Variants in UGT1A7 observed in about 807,000 individuals in gnomAD.
UGT1A7 encodes UDP-glucuronosyltransferase 1A7.
In UGT1A7, 33 loss-of-function variants were observed where a neutral mutation model predicts 45.6. The observed-to-expected ratio is 0.72, with a 90% CI of 0.55 to 0.97. The LOEUF (loss-of-function observed/expected upper bound fraction) is 0.97. UGT1A7 is among the 50% of genes least tolerant of loss of function. UGT1A7 has a pLI of 0.00. For missense variants in UGT1A7, 684 were observed against 666.2 expected, an observed-to-expected ratio of 1.03 and a Z score of -0.29; for synonymous variants, 274 against 250.6, an observed-to-expected ratio of 1.09 and a Z score of -0.88.
At chr2:233,693,578 A>T (rs754174364) in intron 1 of UGT1A7, 1 of 1,614,192 alleles carries the variant, frequency 6.2e-7, no homozygotes, top group Non-Finnish European at 8.5e-7. Flanking sequence ...TGTGTCCTAC[A>T]TTCCCAGGTG....
intron 1 of UGT1A7, among the ~76,000 whole-genome samples, chr2:233,695,435 CT>C (rs747907611): frequency 1.0e-4 from 13 of 130,450 alleles, no homozygotes; most frequent in African/African-American, 1.1e-4. Flanking sequence ...TCTTCTTCTT[CT>C]TTTTTTTTTG....
intron 1 of UGT1A7, chr2:233,713,890 T>C: frequency 1.2e-6 from 2 of 1,613,384 alleles, no homozygotes; most frequent in Non-Finnish European, 1.7e-6. Context: ...CAATCAATGT[T>C]CCAGGCAAAA....
In UGT1A7 at chr2:233,690,508, G is replaced by C. The variant is rs149990156; in HGVS notation, c.855+7716G>C. The C allele has an allele frequency of 2.2e-5, 29 of 1,289,314 alleles. No individual in the cohort carries two copies. In the African/African-American group the frequency reaches 4.0e-4, roughly 18 times the overall value. The allele number at this position is 1,289,314 out of a possible 1,614,324, so 79.9% of individuals were successfully genotyped here. A position where few individuals can be genotyped will look rare whatever the true frequency, so the allele number is the denominator to read the frequency against. On this transcript the variant is annotated intron_variant, in intron 1 of 4. Transcript: ENST00000373426. ...AATCTGCTCTTGCCAACAGAGATTT[G>C]TTTTATCTTAGGATCTACTTCTTTC... is the stretch of plus-strand genomic sequence containing the variant.
chr2:233,703,303 AT>A (rs1225306249), intron 1 of UGT1A7, among the ~76,000 whole-genome samples: 1 of 148,452 alleles, frequency 6.7e-6, no homozygotes, highest in Non-Finnish European at 1.5e-5. Context: ...TCCCTCTTTC[AT>A]TTCATATTTT....
intron 1 of UGT1A7, chr2:233,693,318 T>C (rs2075145288): frequency 6.2e-7 from 1 of 1,614,116 alleles, no homozygotes; most frequent in African/African-American, 1.3e-5. Context: ...CGATCATTCC[T>C]AACTGCTCCT....
intron 1 of UGT1A7, among the ~76,000 whole-genome samples, chr2:233,705,124 G>A (rs1223845607): frequency 3.8e-5 from 5 of 133,010 alleles, no homozygotes; most frequent in Admixed American, 7.4e-5. Context: ...GGACAAGAGC[G>A]AGACTTCGTC....
intron 1 of UGT1A7, among the ~76,000 whole-genome samples, chr2:233,759,294 C>T (rs1363540933): frequency 6.6e-6 from 1 of 152,134 alleles, no homozygotes; most frequent in Admixed American, 6.5e-5. Flanking sequence ...TGAAGCTGAG[C>T]CCTGAGTGGC....
intron 1 of UGT1A7, among the ~76,000 whole-genome samples, chr2:233,703,618 AT>A (rs2075745853): frequency 6.6e-6 from 1 of 151,894 alleles, no homozygotes; most frequent in South Asian, 2.1e-4. Flanking sequence ...AAAAAAGTCT[AT>A]TTTATCTGAT....
chr2:233,754,591 G>T (rs1279768336), intron 1 of UGT1A7: 4 of 429,060 alleles, frequency 9.3e-6, no homozygotes, highest in South Asian at 6.6e-5. Context: ...TATTATGAAG[G>T]ACTTTAACTC....
intron 1 of UGT1A7, among the ~76,000 whole-genome samples, chr2:233,710,565 G>T (rs2125620366): frequency 6.6e-6 from 1 of 152,164 alleles, no homozygotes; most frequent in Non-Finnish European, 1.5e-5. Context: ...TCTTTTAAAA[G>T]GTGCCCTTTC....
chr2:233,686,572 T>C (rs1305349676), intron 1 of UGT1A7, among the ~76,000 whole-genome samples: 1 of 152,142 alleles, frequency 6.6e-6, no homozygotes, highest in Non-Finnish European at 1.5e-5. Flanking sequence ...TTTCAGAAGT[T>C]AGTGTGGATT....
In UGT1A7 at chr2:233,772,291, G is replaced by C; in HGVS notation, c.1325G>C (p.Ser442Thr). Residue 442 changes from serine (S) to threonine (T), a missense_variant, in exon 5 of 5, where the codon AGC becomes ACC. Physicochemically the swap from Ser to Thr is moderately conservative, Grantham distance 58. Transcript: ENST00000373426. ...SYKENIMRLS[S>T]LHKDRPVEPL... ...AAGGAGAACATCATGCGCCTCTCCA[G>C]CCTTCACAAGGACCGCCCGGTGGAG... 1 of 1,614,230 alleles carries C rather than the reference G, an allele frequency of 6.2e-7. No individual in the cohort carries two copies. The highest frequency in any genetic ancestry group is 8.5e-7 in the Non-Finnish European group (1 of 1,180,052).
At chr2:233,728,762 C>T (rs886147418) in intron 1 of UGT1A7, among the ~76,000 whole-genome samples, 1 of 152,142 alleles carries the variant, frequency 6.6e-6, no homozygotes, top group African/African-American at 2.4e-5. Flanking sequence ...CTCCTCAGAC[C>T]TCAGCTGCTG....
At chr2:233,760,058 T>C (rs749323547) in intron 1 of UGT1A7, among the ~76,000 whole-genome samples, 16 of 152,188 alleles carry the variant, frequency 1.1e-4, no homozygotes, top group Non-Finnish European at 2.1e-4. Context: ...CTCAAGAATG[T>C]GATTTGAGTA....
chr2:233,759,810 A>G (rs1374483209), intron 1 of UGT1A7, among the ~76,000 whole-genome samples: 1 of 152,220 alleles, frequency 6.6e-6, no homozygotes, highest in Non-Finnish European at 1.5e-5. Flanking sequence ...GTGAGCAGGC[A>G]GTACCGGGGG....
chr2:233,711,687 G>C (rs2125625049), intron 1 of UGT1A7, among the ~76,000 whole-genome samples: 1 of 152,298 alleles, frequency 6.6e-6, no homozygotes, highest in East Asian at 1.9e-4. Flanking sequence ...ATTTCTAATG[G>C]GGGTAACTTC....
At chr2:233,733,123 G>A (rs1024576772) in intron 1 of UGT1A7, among the ~76,000 whole-genome samples, 1 of 152,178 alleles carries the variant, frequency 6.6e-6, no homozygotes. Context: ...TGTTATTGGT[G>A]TATAGGAATG....
Position 233,767,926 on chromosome 2 carries a change from C to T in UGT1A7, c.1065C>T (p.Asn355=). 5.6e-6 allele frequency: 9 copies of T among 1,614,196 alleles called. No homozygotes were observed. Among genetic ancestry groups the T allele is most frequent in the South Asian group, 1.1e-5 (1 of 91,082 alleles). The change falls in exon 3 of 5, where the codon AAC becomes AAT. Residue 355 remains asparagine, a synonymous_variant. Coordinates refer to ENST00000373426, the MANE Select transcript of UGT1A7 (RefSeq NM_019077.3). The part of the protein sequence containing the change: ...NTILVKWLPQ[N]DLLGHPMTRA... The stretch of plus-strand genomic sequence containing the variant: ...TACTTGTTAAGTGGCTACCCCAAAA[C>T]GATCTGCTTGGTATGTTGGGCGGAT...
At chr2:233,693,594 C>G in intron 1 of UGT1A7, 5 of 1,614,202 alleles carry the variant, frequency 3.1e-6, no homozygotes, top group Non-Finnish European at 4.2e-6. Flanking sequence ...AGGTGCTACA[C>G]AAAGTTTTCA....
Sources: gnomAD v4.1 joint callset for allele counts (sites outside exome capture counted in the v4.1 genomes callset) on GRCh38, gnomAD v4.1.1 for gene constraint, MANE v1.5 for transcripts, NCBI Gene and HGNC (gene_info 2026-07-23, HGNC 2026-07-21) for gene names.